Variants in TLL2 observed in about 807,000 individuals in gnomAD.
The protein encoded by TLL2 is tolloid-like protein 2.
In TLL2, 106 loss-of-function variants were observed where a neutral mutation model predicts 123.0. The observed-to-expected ratio is 0.86, with a 90% confidence interval of 0.74 to 1.01. The LOEUF is 1.01. Among genes scored for constraint, TLL2 ranks in the 50% least tolerant of loss-of-function variants. The pLI is 0.00. For synonymous variants in TLL2, 494 were observed against 516.8 expected (o/e 0.96, Z 0.60); for missense variants, 1,332 against 1,336.7 (o/e 1.00, Z 0.06).
chr10:96,380,452 G>A (rs1846175675), intron 16 of TLL2, among the ~76,000 whole-genome samples: 1 of 152,020 alleles, frequency 6.6e-6, no homozygotes, highest in Non-Finnish European at 1.5e-5. Flanking sequence ...GCCAAGGCAG[G>A]CGGATCACGA....
intron 2 of TLL2, among the ~76,000 whole-genome samples, chr10:96,474,437 G>A (rs1228285600): frequency 2.6e-5 from 4 of 152,234 alleles, no homozygotes; most frequent in Non-Finnish European, 5.9e-5. Context: ...AAAGAGGCTT[G>A]AATGGGTCAT....
intron 1 of TLL2, among the ~76,000 whole-genome samples, chr10:96,497,118 T>TAA (rs746284130): frequency 1.3e-4 from 18 of 140,138 alleles, no homozygotes; most frequent in African/African-American, 3.7e-4. Context: ...CTGTCTCTGC[T>TAA]AAAAAAAAAA....
intron 1 of TLL2, among the ~76,000 whole-genome samples, chr10:96,481,975 T>G (rs1847315380): frequency 6.6e-6 from 1 of 152,148 alleles, no homozygotes; most frequent in Non-Finnish European, 1.5e-5. Flanking sequence ...AAAAGTAACT[T>G]AGCCAGGTGC....
intron 14 of TLL2, 83 bp from the exon 15 acceptor site, chr10:96,386,298 G>C: frequency 1.5e-6 from 2 of 1,342,224 alleles, no homozygotes; most frequent in Non-Finnish European, 2.0e-6. Flanking sequence ...ATAGAGCCTT[G>C]CTGTTCTGTA....
At chr10:96,480,526 C>T (rs769099935) in intron 1 of TLL2, 67 bp from the exon 2 acceptor site, 14 of 1,270,014 alleles carry the variant, frequency 1.1e-5, no homozygotes, top group African/African-American at 2.9e-5. Context: ...TCACTAATGC[C>T]CCAAAGGGCA....
chr10:96,479,564 C>T lies in TLL2; in HGVS notation c.286+785G>A, dbSNP rs1353859291. On this transcript the variant is annotated intron_variant, in intron 2 of 20. Transcript: ENST00000357947. ...CAAGCAGGCAGCCAGGAACCCAGCA[C>T]CCCAAGGGCACCTGGTGGGCTGCAG... 8.5e-5 allele frequency among the ~76,000 whole-genome samples: 13 copies of T among 152,342 alleles called. No homozygotes were observed. The East Asian group carries it at 2.5e-3, about 29-fold the overall frequency.
intron 1 of TLL2, among the ~76,000 whole-genome samples, chr10:96,484,519 C>T (rs1004907364): frequency 1.3e-5 from 2 of 151,378 alleles, no homozygotes; most frequent in Non-Finnish European, 2.9e-5. Context: ...ACAAATGATT[C>T]ATCTATAGAG....
chr10:96,450,112 CGGATGGATGAAG>C (rs1475833754), intron 2 of TLL2, among the ~76,000 whole-genome samples: 1 of 147,726 alleles, frequency 6.8e-6, no homozygotes, highest in Non-Finnish European at 1.5e-5. Flanking sequence ...AAATACAGAA[CGGATGGATGAAG>C]GGATGGATGG....
At chr10:96,500,140 C>T (rs1214141209) in intron 1 of TLL2, among the ~76,000 whole-genome samples, 1 of 88,074 alleles carries the variant, frequency 1.1e-5, no homozygotes, top group Non-Finnish European at 2.3e-5. Context: ...AAAAAAATCT[C>T]TACCAAAAAA....
In TLL2 at chr10:96,463,906, C is replaced by A. The variant is rs79951181; in HGVS notation, c.286+16443G>T. Among the ~76,000 whole-genome samples, 37 of 152,344 alleles carry A rather than the reference C, an allele frequency of 2.4e-4. No individual in the cohort carries two copies. In the East Asian group the frequency reaches 6.5e-3, roughly 27 times the overall value. ...AGAGCTGAGTCCTGTCAGGGCTGAACTGGGGCAGTGAAGTGGAGATCAGGA... is the reference window on the plus strand; with the variant it reads ...AGAGCTGAGTCCTGTCAGGGCTGAAATGGGGCAGTGAAGTGGAGATCAGGA... On this transcript the variant is annotated intron_variant, in intron 2 of 20. Coordinates refer to ENST00000357947, the MANE Select transcript of TLL2 (RefSeq NM_012465.4).
chr10:96,379,220 T>C, intron 16 of TLL2, 128 bp from the exon 17 acceptor site: 1 of 1,238,670 alleles, frequency 8.1e-7, no homozygotes, highest in Non-Finnish European at 1.1e-6. Flanking sequence ...CCCCTCTGAT[T>C]GTTCCCTCAC....
chr10:96,504,997 G>A (rs1847565778), intron 1 of TLL2, among the ~76,000 whole-genome samples: 1 of 152,112 alleles, frequency 6.6e-6, no homozygotes, highest in African/African-American at 2.4e-5. Context: ...GACAGAGCGA[G>A]ACTCCGTCTC....
chr10:96,380,401 C>A (rs144118384), intron 16 of TLL2, among the ~76,000 whole-genome samples: 36 of 152,192 alleles, frequency 2.4e-4, no homozygotes, highest in African/African-American at 7.5e-4. Flanking sequence ...GTTATCAGGA[C>A]AACTAAGAGC....
At chr10:96,411,586 T>C (rs968601304) in intron 8 of TLL2, among the ~76,000 whole-genome samples, 1 of 152,232 alleles carries the variant, frequency 6.6e-6, no homozygotes, top group Non-Finnish European at 1.5e-5. Flanking sequence ...CCTTGGAAAC[T>C]ACAGGTTTTG....
chr10:96,421,120 C>A, intron 6 of TLL2, 59 bp from the exon 7 acceptor site: 1 of 1,372,186 alleles, frequency 7.3e-7, no homozygotes, highest in Non-Finnish European at 1.0e-6. Context: ...TGAAAGGAGG[C>A]AGAGGAAGGA....
chr10:96,438,280 T>A (rs78209773), intron 3 of TLL2, among the ~76,000 whole-genome samples: 1,548 of 152,298 alleles, frequency 0.01, 29 homozygotes, highest in African/African-American at 0.033. Context: ...TCTGTCTTGA[T>A]TTTTTTCAGC....
At chr10:96,386,723 G>T (rs889803847) in intron 14 of TLL2, among the ~76,000 whole-genome samples, 2 of 152,148 alleles carry the variant, frequency 1.3e-5, no homozygotes, top group African/African-American at 4.8e-5. Context: ...GAAAAACCAT[G>T]GCCTTGATTT....
rs775007644 is a variant in TLL2, at chr10:96,386,146, G to A, written c.1922C>T (p.Pro641Leu). The A allele has an allele frequency of 1.2e-5, 20 of 1,612,972 alleles. No individual in the cohort carries two copies. Among genetic ancestry groups the A allele is most frequent in the Middle Eastern group, 3.3e-4 (2 of 6,084 alleles). The change falls in exon 15 of 21, where the codon CCC (proline) becomes CTC (leucine). Residue 641 changes from proline (P) to leucine (L), a missense_variant. Transcript: ENST00000357947. ...CTGCCAGACACAGTTTTTGTTTGTG[G>A]GATACTCCTTCGGCCACCCAGGGCT... The part of the protein sequence containing the change: ...ITSPGWPKEY[P>L]TNKNCVWQVV...
intron 1 of TLL2, among the ~76,000 whole-genome samples, chr10:96,496,428 G>A (rs1290618388): frequency 6.6e-5 from 10 of 151,838 alleles, no homozygotes; most frequent in South Asian, 2.1e-4. Context: ...CTAGGAGAGC[G>A]CCCTACACAG....
Sources: gnomAD v4.1 joint callset for allele counts (sites outside exome capture counted in the v4.1 genomes callset) on GRCh38, gnomAD v4.1.1 for gene constraint, MANE v1.5 for transcripts, NCBI Gene and HGNC (gene_info 2026-07-23, HGNC 2026-07-21) for gene names.